The following NKAIN2 variants were observed in gnomAD, a reference collection of about 807,000 sequenced individuals.
NKAIN2 encodes sodium/potassium transporting ATPase interacting 2.
A neutral mutation model predicts 32.6 loss-of-function variants in NKAIN2; 14 were observed. The observed-to-expected ratio is 0.43, with a 90% CI of 0.28 to 0.67. The LOEUF is 0.67. NKAIN2 is among the 30% of genes least tolerant of loss of function. The pLI, the probability that NKAIN2 is intolerant of heterozygous loss-of-function variation, is 0.17. For synonymous variants in NKAIN2, 80 were observed against 87.2 expected, an observed-to-expected ratio of 0.92 and a Z score of 0.46; for missense variants, 198 against 258.3, an observed-to-expected ratio of 0.77 and a Z score of 1.60.
At chr6:123,821,869 G>C (rs975085164) in intron 1 of NKAIN2, among the ~76,000 whole-genome samples, 2 of 152,176 alleles carry the variant, frequency 1.3e-5, no homozygotes, top group African/African-American at 4.8e-5. Flanking sequence ...AAGAGTAGCA[G>C]GGGATGGATT....
intron 4 of NKAIN2, among the ~76,000 whole-genome samples, chr6:124,758,129 A>C (rs1385005513): frequency 2.0e-5 from 3 of 152,140 alleles, no homozygotes; most frequent in Non-Finnish European, 4.4e-5. Context: ...GAGAAGACTC[A>C]GCTTTAGACT....
At chr6:124,499,564 T>C (rs953773022) in intron 3 of NKAIN2, among the ~76,000 whole-genome samples, 3 of 152,156 alleles carry the variant, frequency 2.0e-5, no homozygotes, top group Non-Finnish European at 2.9e-5. Context: ...CCAATAGTTG[T>C]ATGGTAGGTG....
intron 1 of NKAIN2, among the ~76,000 whole-genome samples, chr6:123,840,628 C>A (rs1774830574): frequency 6.6e-6 from 1 of 152,032 alleles, no homozygotes; most frequent in South Asian, 2.1e-4. Flanking sequence ...CATCTAAGAT[C>A]TTTTTGAGGT....
chr6:124,497,913 C>T (rs952724622), intron 3 of NKAIN2, among the ~76,000 whole-genome samples: 1 of 148,410 alleles, frequency 6.7e-6, no homozygotes, highest in African/African-American at 2.5e-5. Flanking sequence ...GTGTTTCATT[C>T]TGTAGGGGCT....
chr6:124,080,984 T>G (rs1239423713), intron 1 of NKAIN2, among the ~76,000 whole-genome samples: 1 of 152,080 alleles, frequency 6.6e-6, no homozygotes, highest in African/African-American at 2.4e-5. Flanking sequence ...AAAAATTGAT[T>G]TCAGGGCAGT....
chr6:124,727,071 C>T (rs1776362212), intron 4 of NKAIN2, among the ~76,000 whole-genome samples: 1 of 152,084 alleles, frequency 6.6e-6, no homozygotes. Flanking sequence ...AAGACCAAAT[C>T]TACGTCTGAT....
At chr6:124,272,398 A>G (rs997061600) in intron 1 of NKAIN2, among the ~76,000 whole-genome samples, 1 of 152,184 alleles carries the variant, frequency 6.6e-6, no homozygotes, top group African/African-American at 2.4e-5. Context: ...AGAGTGTTCA[A>G]AACCCAAGCT....
At chr6:124,381,707 C>T (rs936399095) in intron 3 of NKAIN2, among the ~76,000 whole-genome samples, 1 of 152,040 alleles carries the variant, frequency 6.6e-6, no homozygotes, top group Non-Finnish European at 1.5e-5. Context: ...AAAGATTAGC[C>T]AAATATAAAA....
chr6:124,245,096 G>A (rs1401827888), intron 1 of NKAIN2, among the ~76,000 whole-genome samples: 1 of 152,062 alleles, frequency 6.6e-6, no homozygotes, highest in Non-Finnish European at 1.5e-5. Flanking sequence ...TTGGGAACAT[G>A]TCTCTAGCTA....
chr6:124,241,806 A>T (rs1477437371), intron 1 of NKAIN2, among the ~76,000 whole-genome samples: 2 of 151,932 alleles, frequency 1.3e-5, no homozygotes, highest in African/African-American at 2.4e-5. Context: ...TATTTAATAT[A>T]TTTTTTTTAA....
chr6:124,562,483 A>G (rs1036548573), intron 3 of NKAIN2, among the ~76,000 whole-genome samples: 1 of 152,154 alleles, frequency 6.6e-6, no homozygotes, highest in Non-Finnish European at 1.5e-5. Flanking sequence ...AGGTTCTTAA[A>G]CTTTTTGTTC....
chr6:124,680,956 C>G (rs1963976), intron 4 of NKAIN2, among the ~76,000 whole-genome samples: 28,208 of 151,490 alleles, frequency 0.19, 2,874 homozygotes, highest in East Asian at 0.34. Context: ...AAAAAATAAT[C>G]CAAAATATGC....
chr6:124,703,281 AAC>A (rs1379601836), intron 4 of NKAIN2, among the ~76,000 whole-genome samples: 200 of 151,960 alleles, frequency 1.3e-3, no homozygotes, highest in African/African-American at 4.8e-3. Flanking sequence ...AGGAAAAAAA[AAC>A]AACAAAAAAA....
intron 3 of NKAIN2, among the ~76,000 whole-genome samples, chr6:124,643,213 A>T (rs1465149715): frequency 6.6e-6 from 1 of 152,172 alleles, no homozygotes; most frequent in African/African-American, 2.4e-5. Flanking sequence ...TCTGGCACTT[A>T]GGTCCCTCTT....
chr6:124,437,868 ATTGAT>A (rs1275801312), intron 3 of NKAIN2: 2 of 282,996 alleles, frequency 7.1e-6, no homozygotes, highest in South Asian at 4.5e-5. Context: ...GTACTGATCT[ATTGAT>A]TTTTTTTTTT....
intron 4 of NKAIN2, among the ~76,000 whole-genome samples, chr6:124,732,550 A>G (rs1400741329): frequency 6.6e-6 from 1 of 152,078 alleles, no homozygotes; most frequent in Non-Finnish European, 1.5e-5. Context: ...TCTCCATTTT[A>G]TAGAGAGTGA....
intron 3 of NKAIN2, among the ~76,000 whole-genome samples, chr6:124,448,641 G>A (rs761701878): frequency 1.3e-4 from 20 of 152,102 alleles, no homozygotes; most frequent in Admixed American, 5.9e-4. Flanking sequence ...TTAATGAATA[G>A]AAAGCTACAC....
At chr6:124,493,176 C>T (rs1777932140) in intron 3 of NKAIN2, among the ~76,000 whole-genome samples, 1 of 151,928 alleles carries the variant, frequency 6.6e-6, no homozygotes, top group Admixed American at 6.6e-5. Context: ...TAAATCTACA[C>T]ATTATGATAT....
intron 1 of NKAIN2, among the ~76,000 whole-genome samples, chr6:124,174,913 C>T (rs540887612): frequency 1.6e-4 from 25 of 152,182 alleles, no homozygotes; most frequent in Non-Finnish European, 7.4e-5. Flanking sequence ...CCTTTTTGAC[C>T]ACTTAAATGT....
Sources: allele counts gnomAD v4.1 joint callset (sites outside exome capture counted in the v4.1 genomes callset), GRCh38; gene constraint gnomAD v4.1.1; transcripts MANE v1.5; gene names NCBI Gene and HGNC (gene_info 2026-07-23, HGNC 2026-07-21).